The following DDX1 variants were observed in gnomAD, a reference collection of about 807,000 sequenced individuals.
DDX1 encodes the protein DEAD-box helicase 1.
Under a neutral mutation model 108.7 loss-of-function variants are expected in DDX1, and 28 were observed. The observed-to-expected ratio is 0.26, with a 90% CI of 0.19 to 0.35. The LOEUF is 0.35. Among genes scored for constraint, DDX1 ranks in the 10% least tolerant of loss-of-function variants. The probability of loss-of-function intolerance (pLI) is 1.00; values close to 1 mark genes in which losing one functional copy is unlikely to be tolerated. For synonymous variants in DDX1, 295 were observed against 288.9 expected, an observed-to-expected ratio of 1.02 and a Z score of -0.21; for missense variants, 710 against 884.5, an observed-to-expected ratio of 0.80 and a Z score of 2.50.
At position 15,599,706 on chromosome 2, in the gene DDX1, A is replaced by T; in HGVS notation, c.297A>T (p.Gly99=). Residue 99 remains glycine, a synonymous_variant, in exon 6 of 26, where the codon GGA becomes GGT. Coordinates refer to ENST00000233084, the MANE Select transcript of DDX1 (RefSeq NM_004939.3). ...NKWQMNPYDR[G]SAFAIGSDGL... is the part of the protein sequence containing the mutation. ...GGCAGATGAACCCATATGACAGAGG[A>T]TCTGCTTTTGGTAAGTGGATAGACT... The T allele has an allele frequency of 6.2e-7, 1 of 1,609,052 alleles. No individual in the cohort carries two copies. Among genetic ancestry groups the T allele is most frequent in the Non-Finnish European group, 8.5e-7 (1 of 1,177,284 alleles).
intron 13 of DDX1, among the ~76,000 whole-genome samples, chr2:15,612,678 C>T (rs1171826287): frequency 3.3e-5 from 5 of 152,052 alleles, no homozygotes; most frequent in East Asian, 3.9e-4. Flanking sequence ...GAGGTTGTAG[C>T]GAGCCGAGAT....
At chr2:15,618,040 A>T in intron 15 of DDX1, 141 bp from the exon 16 acceptor site, 1 of 420,284 alleles carries the variant, frequency 2.4e-6, no homozygotes, top group Non-Finnish European at 4.4e-6. Flanking sequence ...AATAATTTTG[A>T]AAATATAGGA....
intron 13 of DDX1, among the ~76,000 whole-genome samples, chr2:15,608,673 T>TG (rs1274244906): frequency 3.4e-5 from 5 of 146,762 alleles, no homozygotes; most frequent in African/African-American, 1.0e-4. Context: ...GTTTTTTTTT[T>TG]TTTTTTTTTT....
chr2:15,603,993 C>A, intron 9 of DDX1, 103 bp downstream of exon 9: 2 of 729,218 alleles, frequency 2.7e-6, no homozygotes, highest in Non-Finnish European at 4.4e-6. Context: ...TCAAAATGAG[C>A]AGATTTTCTG....
chr2:15,611,516 G>A (rs1665757009), intron 13 of DDX1, among the ~76,000 whole-genome samples: 1 of 133,598 alleles, frequency 7.5e-6, no homozygotes, highest in Admixed American at 7.3e-5. Flanking sequence ...GCAGGGGGCT[G>A]ACCCCCCCAC....
Position 15,621,165 on chromosome 2 carries a change from A to G in DDX1, c.1447+49A>G, listed in dbSNP as rs201773983. ...TTGAAAGATTTTGAAAATGAAATTT[A>G]TACCTTACCTATTCTCATGAAGGAT... is the stretch of plus-strand genomic sequence containing the variant. On this transcript the variant is annotated intron_variant, in intron 18 of 25. Transcript: ENST00000233084. The G allele has an allele frequency of 5.3e-4, 698 of 1,310,288 alleles. 3 individuals carry two copies. The African/African-American group carries it at 9.2e-3, about 17-fold the overall frequency. 81.2% of individuals were successfully genotyped at this position (1,310,288 alleles called of 1,614,324 possible). A position where few individuals can be genotyped will look rare whatever the true frequency, so the allele number is the denominator to read the frequency against.
intron 16 of DDX1, among the ~76,000 whole-genome samples, chr2:15,619,902 A>G (rs1230930676): frequency 6.6e-6 from 1 of 152,214 alleles, no homozygotes; most frequent in Non-Finnish European, 1.5e-5. Context: ...AAGAAGGACA[A>G]GCTTTTGAGA....
In DDX1 at chr2:15,606,397, A is replaced by G. The variant is rs1431360143; in HGVS notation, c.817+133A>G. The G allele has an allele frequency of 6.5e-6, 4 of 612,564 alleles. No individual in the cohort carries two copies. The African/African-American group carries it at 7.6e-5, about 12-fold the overall frequency. 37.9% of individuals were successfully genotyped at this position (612,564 alleles called of 1,614,324 possible). On this transcript the variant is annotated intron_variant, in intron 12 of 25. Transcript: ENST00000233084. ...TTAGTCACACATCTTTTTTTAACAC[A>G]GCAGTAAAATTCATTTTTAAAACCT...
intron 15 of DDX1, 25 bp from the exon 16 acceptor site, chr2:15,618,156 A>G (rs372585637): frequency 7.1e-7 from 1 of 1,406,442 alleles, no homozygotes. Flanking sequence ...TTAAAAACTT[A>G]ATTTATTCTT....
intron 10 of DDX1, among the ~76,000 whole-genome samples, chr2:15,605,177 G>T (rs1665643589): frequency 6.6e-6 from 1 of 152,166 alleles, no homozygotes; most frequent in South Asian, 2.1e-4. Flanking sequence ...TAGTTTAACA[G>T]TACCATTCTG....
chr2:15,625,014 C>T (rs1050529127), intron 19 of DDX1, among the ~76,000 whole-genome samples: 1 of 152,100 alleles, frequency 6.6e-6, no homozygotes, highest in African/African-American at 2.4e-5. Flanking sequence ...ATGGCCATAG[C>T]AGCTTTATTT....
chr2:15,591,885 G>A lies in DDX1; in HGVS notation c.-49G>A, dbSNP rs1665416933. On this transcript the variant is annotated 5_prime_UTR_variant, in exon 1 of 26. Coordinates refer to ENST00000233084, the MANE Select transcript of DDX1 (RefSeq NM_004939.3). ...GCGCCGCCACTGCCACGCCGTGTCA[G>A]TCGGGAGGGAGGGAGCGAGCAGGCG... The A allele has an allele frequency of 6.8e-7, 1 of 1,468,960 alleles. No individual in the cohort carries two copies. Among genetic ancestry groups the A allele is most frequent in the Non-Finnish European group, 9.0e-7 (1 of 1,109,420 alleles). 91.0% of individuals were successfully genotyped at this position (1,468,960 alleles called of 1,614,324 possible).
At chr2:15,620,834 A>G (rs1665992595) in intron 17 of DDX1, among the ~76,000 whole-genome samples, 2 of 152,170 alleles carry the variant, frequency 1.3e-5, no homozygotes, top group South Asian at 4.1e-4. Flanking sequence ...AATATTTTAG[A>G]AACCACATTT....
chr2:15,605,958 C>G lies in DDX1; in HGVS notation c.634C>G (p.Leu212Val). The G allele has an allele frequency of 1.3e-6, 2 of 1,564,226 alleles. No homozygotes were observed. The highest frequency in any genetic ancestry group is 1.7e-6 in the Non-Finnish European group (2 of 1,160,504). ...HVKFSKNGKD[L>V]GLAFEIPPHM... ...CTCTCTTGTTTTTTAAGGAAAAGAT[C>G]TTGGTCTGGCATTTGAAATACCACC... Residue 212 changes from leucine (L) to valine (V), a missense_variant, in exon 11 of 26, where the codon CTT (leucine) becomes GTT (valine). Transcript: ENST00000233084.
intron 19 of DDX1, among the ~76,000 whole-genome samples, chr2:15,624,379 G>A (rs1292082299): frequency 6.6e-6 from 1 of 152,174 alleles, no homozygotes; most frequent in African/African-American, 2.4e-5. Flanking sequence ...AACTGTATTA[G>A]TCTGTTCTTA....
chr2:15,592,289 C>G (rs1030109312), intron 1 of DDX1, among the ~76,000 whole-genome samples: 8 of 152,206 alleles, frequency 5.3e-5, no homozygotes, highest in Non-Finnish European at 7.3e-5. Flanking sequence ...CCTCCTGCCT[C>G]TTAACGTGGC....
At position 15,602,702 on chromosome 2, in the gene DDX1, G is replaced by T. The variant is rs564072437; in HGVS notation, c.391+71G>T. The T allele has an allele frequency of 5.3e-4, 650 of 1,222,712 alleles. 2 individuals are homozygous for T. In the African/African-American group the frequency reaches 8.8e-3, roughly 17 times the overall value. 75.7% of individuals were successfully genotyped at this position (1,222,712 alleles called of 1,614,324 possible). On this transcript the variant is annotated intron_variant, in intron 7 of 25. Coordinates refer to ENST00000233084, the MANE Select transcript of DDX1 (RefSeq NM_004939.3). ...ATTAATACGTGAGGGTTTTTTTGTTGTTGTTTGTTTGTTTTTGAGATGGAG... is the reference window on the plus strand; with the variant it reads ...ATTAATACGTGAGGGTTTTTTTGTTTTTGTTTGTTTGTTTTTGAGATGGAG...
Position 15,630,769 on chromosome 2 carries a change from G to A in DDX1, c.2093-7G>A. The A allele has an allele frequency of 1.2e-6, 2 of 1,609,690 alleles. No individual in the cohort carries two copies. The highest frequency in any genetic ancestry group is 1.7e-6 in the Non-Finnish European group (2 of 1,176,842). On this transcript the variant is annotated splice_region_variant and splice_polypyrimidine_tract_variant and intron_variant, in intron 25 of 25. Transcript: ENST00000233084. Reference sequence around the variant, plus strand: ...TTACATTACTTTGTTATTTGTGTGTGATGCAGGTGGAAGCTATAAAGGCCA... The same window carrying A: ...TTACATTACTTTGTTATTTGTGTGTAATGCAGGTGGAAGCTATAAAGGCCA...
In DDX1 at chr2:15,618,274, TA is replaced by T; in HGVS notation, c.1206+8del. The T allele has an allele frequency of 6.8e-7, 1 of 1,475,272 alleles. No homozygotes were observed. The highest frequency in any genetic ancestry group is 9.4e-7 in the Non-Finnish European group (1 of 1,060,756). The allele number at this position is 1,475,272 out of a possible 1,614,324, so 91.4% of individuals were successfully genotyped here. On this transcript the variant is annotated splice_donor_5th_base_variant and intron_variant, in intron 16 of 25. Transcript: ENST00000233084. Reference sequence around the variant, plus strand: ...CTCTGATGGAAAAAGACTTCAGGTATAAAATTTATCAATGCATCTTAAAATG... The same window carrying T: ...CTCTGATGGAAAAAGACTTCAGGTATAAATTTATCAATGCATCTTAAAATG...
Sources: gnomAD v4.1 joint callset for allele counts (sites outside exome capture counted in the v4.1 genomes callset) on GRCh38, gnomAD v4.1.1 for gene constraint, MANE v1.5 for transcripts, NCBI Gene and HGNC (gene_info 2026-07-23, HGNC 2026-07-21) for gene names.